Variants in LRRC9 observed in about 807,000 individuals in gnomAD.
LRRC9 encodes the protein leucine-rich repeat-containing protein 9.
In LRRC9, 122 loss-of-function variants were observed where a neutral mutation model predicts 63.2. The ratio of observed to expected loss-of-function variants is 1.93; its 90% CI spans 1.67 to 2.24. The LOEUF is 2.24. LRRC9 is among the 30% of genes most tolerant of loss of function. The pLI is 0.00. For synonymous variants in LRRC9, 366 were observed against 213.1 expected (o/e 1.72, Z -6.25); for missense variants, 1,071 against 627.7 (o/e 1.71, Z -7.55).
chr14:59,963,303 CTTATT>C (rs1884525437), intron 10 of LRRC9, among the ~76,000 whole-genome samples: 1 of 152,004 alleles, frequency 6.6e-6, no homozygotes, highest in Non-Finnish European at 1.5e-5. Context: ...TTACAAAAAT[CTTATT>C]TTATAGAGAC....
In LRRC9 at chr14:59,928,242, GACCAAATTTC is replaced by G. The variant is rs1374701120; in HGVS notation, c.49-25_49-16del. 1.6e-5 allele frequency: 9 copies of G among 564,592 alleles called. No homozygotes were observed. The highest frequency in any genetic ancestry group is 3.5e-5 in the Admixed American group (1 of 28,844). 35.0% of individuals were successfully genotyped at this position (564,592 alleles called of 1,614,324 possible). A position where few individuals can be genotyped will look rare whatever the true frequency, so the allele number is the denominator to read the frequency against. ...CTTTTAATTATTTAAAATAGGTAAT[GACCAAATTTC>G]TTTCCTTTAAAACAGTGTTTGTGCA... On this transcript the variant is annotated splice_polypyrimidine_tract_variant and intron_variant, in intron 2 of 31. Transcript: ENST00000445360.
At chr14:59,996,888 C>T (rs1888853390) in intron 17 of LRRC9, among the ~76,000 whole-genome samples, 2 of 152,048 alleles carry the variant, frequency 1.3e-5, no homozygotes, top group Non-Finnish European at 2.9e-5. Flanking sequence ...ATGTTTGTTG[C>T]TGTGTTGCCA....
Position 60,003,854 on chromosome 14 carries a change from C to CA in LRRC9, c.2842+62dup, listed in dbSNP as rs201379118. On this transcript the variant is annotated intron_variant, in intron 21 of 31. Transcript: ENST00000445360. The surrounding 1 kb of genome is among the most constrained non-coding windows in gnomAD (Gnocchi z 4.2). ...AATATGGGATGTCTAAACAACAAAG[C>CA]AAAAAATAACCCTGGGAACAGAGTT... is the stretch of plus-strand genomic sequence containing the variant. The CA allele has an allele frequency of 0.025, 13,336 of 538,546 alleles. 274 individuals are homozygous for CA. Among genetic ancestry groups the CA allele is most frequent in the South Asian group, 0.048 (1,731 of 36,428 alleles). The allele number at this position is 538,546 out of a possible 1,614,324, so 33.4% of individuals were successfully genotyped here.
rs545005434 is a variant in LRRC9, at chr14:60,042,648, C to T, written c.3991-10417C>T. Among the ~76,000 whole-genome samples, 6 of 152,332 alleles carry T rather than the reference C, an allele frequency of 3.9e-5. No individual in the cohort carries two copies. The East Asian group carries it at 7.7e-4, about 20-fold the overall frequency. ...TCCCGATTTTCCAGGTACTGCCTGT[C>T]ATGGCTTCCCTTGGCTAGGAAAGGG... On this transcript the variant is annotated intron_variant, in intron 29 of 31. Coordinates refer to ENST00000445360, the Ensembl canonical transcript of LRRC9. The surrounding 1 kb of genome is among the most constrained non-coding windows in gnomAD (Gnocchi z 4.2).
chr14:59,956,867 T>G (rs995636152), intron 8 of LRRC9, among the ~76,000 whole-genome samples: 1 of 152,214 alleles, frequency 6.6e-6, no homozygotes, highest in Non-Finnish European at 1.5e-5. Context: ...GTAAAGGATT[T>G]TATTTCTCCT....
At chr14:60,064,417 T>A (rs1000243788), downstream of LRRC9, among the ~76,000 whole-genome samples, 1 of 152,248 alleles carries the variant, frequency 6.6e-6, no homozygotes, top group African/African-American at 2.4e-5. Flanking sequence ...TAAATTATTT[T>A]AACTAAAATA....
intron 6 of LRRC9, among the ~76,000 whole-genome samples, chr14:59,935,544 T>A (rs1006785200): frequency 3.3e-5 from 5 of 152,148 alleles, no homozygotes; most frequent in Admixed American, 2.6e-4. Flanking sequence ...AAGAAAATAA[T>A]GTGAAATGTG....
At chr14:60,010,309 T>A (rs776700796) in intron 23 of LRRC9, among the ~76,000 whole-genome samples, 6 of 152,208 alleles carry the variant, frequency 3.9e-5, no homozygotes, top group Non-Finnish European at 8.8e-5. Context: ...ACCAACACCA[T>A]GTCAAAGCTG....
Position 60,017,197 on chromosome 14 carries a change from C to T in LRRC9, c.3317+407C>T, listed in dbSNP as rs1890761876. 6.6e-6 allele frequency among the ~76,000 whole-genome samples: 1 copy of T among 151,994 alleles called. No homozygotes were observed. Among genetic ancestry groups the T allele is most frequent in the Admixed American group, 6.6e-5 (1 of 15,230 alleles). On this transcript the variant is annotated intron_variant, in intron 24 of 31. Coordinates refer to ENST00000445360, the Ensembl canonical transcript of LRRC9. This position sits in a 1 kb window ranked among gnomAD's most constrained non-coding sequence, Gnocchi z 4.0. ...TGTGCCCAGCCTAAAATTAAAAATT[C>T]CTTTGTATGGCATAAAAGACTCTTT... is the stretch of plus-strand genomic sequence containing the variant.
exon 16 of LRRC9, chr14:59,981,885 T>A (rs375419266): frequency 1.4e-6 from 1 of 701,730 alleles, no homozygotes. Context: ...TTCAACAATG[T>A]TATTCTAGAA....
intron 17 of LRRC9, among the ~76,000 whole-genome samples, chr14:59,987,828 A>C (rs1887647123): frequency 6.6e-6 from 1 of 152,208 alleles, no homozygotes; most frequent in African/African-American, 2.4e-5. Context: ...GAATACTTTT[A>C]CAAAGAGACA....
Position 59,977,410 on chromosome 14 carries a change from T to C in LRRC9, c.1762+63T>C, listed in dbSNP as rs1434441861. ...CTGAATGAAAAATGTTTGTGTTTAA[T>C]ACGGATACTCACAATTTTATTTCTA... On this transcript the variant is annotated intron_variant, in intron 14 of 31. Coordinates refer to ENST00000445360, the Ensembl canonical transcript of LRRC9. 5.4e-6 allele frequency: 3 copies of C among 557,268 alleles called. No individual in the cohort carries two copies. In the African/African-American group the frequency reaches 5.7e-5, roughly 11 times the overall value. 34.5% of individuals were successfully genotyped at this position (557,268 alleles called of 1,614,324 possible). A position where few individuals can be genotyped will look rare whatever the true frequency, so the allele number is the denominator to read the frequency against.
At chr14:60,033,535 T>C (rs1892166642) in intron 29 of LRRC9, among the ~76,000 whole-genome samples, 2 of 152,144 alleles carry the variant, frequency 1.3e-5, no homozygotes, top group Non-Finnish European at 1.5e-5. Flanking sequence ...ATTGGTAATA[T>C]AGTTTTTCTC....
chr14:59,963,619 G>C (rs1042823577), intron 10 of LRRC9, among the ~76,000 whole-genome samples: 1 of 151,998 alleles, frequency 6.6e-6, no homozygotes, highest in African/African-American at 2.4e-5. Flanking sequence ...ATAACATCTA[G>C]CATGGGACTG....
At chr14:59,985,075 T>G (rs1428555260) in intron 16 of LRRC9, 30 bp from the exon 17 acceptor site, 1 of 621,794 alleles carries the variant, frequency 1.6e-6, no homozygotes, top group Non-Finnish European at 2.9e-6. Context: ...ACCTGTATTA[T>G]TTTTTAATGT....
At chr14:59,928,511 A>G (rs1466246850) in intron 3 of LRRC9, 25 bp downstream of exon 3, 1 of 593,280 alleles carries the variant, frequency 1.7e-6, no homozygotes, top group East Asian at 2.9e-5. Flanking sequence ...AAAACCTCAC[A>G]TGGAGTATTT....
At position 60,027,434 on chromosome 14, in the gene LRRC9, A is replaced by G. The variant is rs187247684; in HGVS notation, c.3704-450A>G. On this transcript the variant is annotated intron_variant, in intron 27 of 31. Transcript: ENST00000445360. The surrounding 1 kb of genome is among the most constrained non-coding windows in gnomAD (Gnocchi z 4.0). ...TGATTGCAGTGCAAAAATATGAGAA[A>G]GAACAGCATAATTAATGTGTATTCT... Among the ~76,000 whole-genome samples the G allele has an allele frequency of 1.3e-5, 2 of 152,250 alleles. No individual in the cohort carries two copies. Among genetic ancestry groups the G allele is most frequent in the African/African-American group, 4.8e-5 (2 of 41,586 alleles).
At chr14:60,066,071 G>A (rs1179601372), downstream of LRRC9, among the ~76,000 whole-genome samples, 1 of 151,944 alleles carries the variant, frequency 6.6e-6, no homozygotes, top group Non-Finnish European at 1.5e-5. Flanking sequence ...TCCTGCCTCG[G>A]CTCCCGCAAC....
Position 59,930,628 on chromosome 14 carries a change from A to G in LRRC9, c.268-290A>G, listed in dbSNP as rs1889621222. On this transcript the variant is annotated intron_variant, in intron 3 of 31. Coordinates refer to ENST00000445360, the Ensembl canonical transcript of LRRC9. This position sits in a 1 kb window ranked among gnomAD's most constrained non-coding sequence, Gnocchi z 4.9. The stretch of plus-strand genomic sequence containing the variant: ...TAATCATTTCTATATGATTATAATC[A>G]TAACCATATAGAAATATGATATGTG... 6.6e-6 allele frequency among the ~76,000 whole-genome samples: 1 copy of G among 151,390 alleles called. No individual in the cohort carries two copies. Among genetic ancestry groups the G allele is most frequent in the Non-Finnish European group, 1.5e-5 (1 of 67,536 alleles).
Sources: allele counts gnomAD v4.1 joint callset (sites outside exome capture counted in the v4.1 genomes callset), GRCh38; gene constraint gnomAD v4.1.1; non-coding constraint Gnocchi (gnomAD v3.1); transcripts MANE v1.5; gene names NCBI Gene and HGNC (gene_info 2026-07-23, HGNC 2026-07-21).